USP7: variants seen among roughly 807,000 people sequenced by gnomAD.
USP7 encodes ubiquitin specific peptidase 7.
USP7 carries 9 observed loss-of-function variants against 162.9 expected under a neutral mutation model. The ratio of observed to expected loss-of-function variants is 0.06; its 90% CI spans 0.03 to 0.10. The LOEUF (loss-of-function observed/expected upper bound fraction) is 0.10, where lower values mean the gene tolerates loss of function less well. USP7 is among the 10% of genes least tolerant of loss of function. The pLI, the probability that USP7 is intolerant of heterozygous loss-of-function variation, is 1.00. For synonymous variants in USP7, 562 were observed against 475.9 expected, an observed-to-expected ratio of 1.18 and a Z score of -2.35; for missense variants, 715 against 1,373.7, an observed-to-expected ratio of 0.52 and a Z score of 7.58.
rs1897673458 is a variant in USP7, at chr16:8,921,205, G to A, written c.474C>T (p.Phe158=). The A allele has an allele frequency of 2.5e-6, 4 of 1,614,002 alleles. No homozygotes were observed. The highest frequency in any genetic ancestry group is 1.6e-4 in the Middle Eastern group (1 of 6,062). The change falls in exon 4 of 31, where the codon TTC becomes TTT. Residue 158 remains phenylalanine (F), a synonymous_variant. Coordinates refer to ENST00000344836, the MANE Select transcript of USP7 (RefSeq NM_003470.3). ...KSFSRRISHL[F]FHKENDWGFS... ...ATCCCCAATCATTTTCTTTATGGAA[G>A]AACAAATGACTAATACGACGACTGA... is the stretch of plus-strand genomic sequence containing the variant.
chr16:8,950,153 A>G (rs1239072210), intron 1 of USP7, among the ~76,000 whole-genome samples: 2 of 152,210 alleles, frequency 1.3e-5, no homozygotes, highest in East Asian at 3.8e-4. Flanking sequence ...GGCCATGGAG[A>G]CCAAAAAACC....
intron 1 of USP7, among the ~76,000 whole-genome samples, chr16:8,932,091 C>T (rs773557136): frequency 2.0e-5 from 3 of 152,252 alleles, no homozygotes; most frequent in East Asian, 1.9e-4. Context: ...AAAACCCCAA[C>T]GCTTAGATTA....
chr16:8,916,320 A>C (rs893598872), intron 8 of USP7, among the ~76,000 whole-genome samples, 182 bp downstream of exon 8: 1 of 152,214 alleles, frequency 6.6e-6, no homozygotes. Context: ...TCAAATCCCT[A>C]TTCAAGTAAT....
chr16:8,897,898 C>T (rs967830507), intron 25 of USP7, among the ~76,000 whole-genome samples: 3 of 150,386 alleles, frequency 2.0e-5, no homozygotes, highest in Admixed American at 6.6e-5. Flanking sequence ...GACCCTGTCT[C>T]GAAAAAGAAC....
At position 8,919,146 on chromosome 16, in the gene USP7, G is replaced by C; in HGVS notation, c.612-7C>G. 1 of 1,613,928 alleles carries C rather than the reference G, an allele frequency of 6.2e-7. No homozygotes were observed. The highest frequency in any genetic ancestry group is 8.5e-7 in the Non-Finnish European group (1 of 1,179,912). On this transcript the variant is annotated splice_region_variant and splice_polypyrimidine_tract_variant and intron_variant, in intron 5 of 30. Transcript: ENST00000344836. ...GTGCTTCTTTGAATCCCACCTGAAA[G>C]ATCAGTTCAAGGTTGAGGGGATCTT...
chr16:8,926,055 G>A (rs1897969377), intron 2 of USP7, among the ~76,000 whole-genome samples: 1 of 152,060 alleles, frequency 6.6e-6, no homozygotes, highest in Admixed American at 6.5e-5. Flanking sequence ...TAGGGAGGCT[G>A]AGGCAGGAGA....
chr16:8,935,189 G>A (rs1161808158), intron 1 of USP7, among the ~76,000 whole-genome samples: 1 of 150,700 alleles, frequency 6.6e-6, no homozygotes, highest in Non-Finnish European at 1.5e-5. Context: ...AAACACTTGA[G>A]CTAAGGCACT....
chr16:8,894,095 G>C lies in USP7; in HGVS notation c.3212C>G (p.Ser1071Cys). The change falls in exon 31 of 31, where the codon TCT becomes TGT. Residue 1071 changes from serine to cysteine, a missense_variant. Around this residue, in one of 11 missense-constraint regions of USP7, gnomAD observed 222 missense variants for 441.7 expected, o/e 0.50. Coordinates refer to ENST00000344836, the MANE Select transcript of USP7 (RefSeq NM_003470.3). ...KDFEPQPGNM[S>C]HPRPWLGLDH... The stretch of plus-strand genomic sequence containing the variant: ...GAGCCCTAGCCAAGGCCGAGGATGA[G>C]ACATATTACCTGGTGGGGATGAAGA... 6.2e-7 allele frequency: 1 copy of C among 1,614,198 alleles called. No homozygotes were observed. Among genetic ancestry groups the C allele is most frequent in the Non-Finnish European group, 8.5e-7 (1 of 1,180,020 alleles).
chr16:8,919,006 C>T, intron 6 of USP7, 25 bp downstream of exon 6: 1 of 1,607,996 alleles, frequency 6.2e-7, no homozygotes, highest in East Asian at 2.2e-5. Flanking sequence ...CGGAAGGCTG[C>T]AGGAGAGGAA....
chr16:8,925,449 T>C (rs1897935665), intron 2 of USP7, among the ~76,000 whole-genome samples: 1 of 152,244 alleles, frequency 6.6e-6, no homozygotes, highest in African/African-American at 2.4e-5. Flanking sequence ...CTATTTTATA[T>C]AATTCAGCTC....
intron 1 of USP7, among the ~76,000 whole-genome samples, chr16:8,931,118 G>A (rs1008652346): frequency 1.3e-5 from 2 of 151,750 alleles, no homozygotes; most frequent in Non-Finnish European, 2.9e-5. Context: ...TTGTTGTGAA[G>A]ATTACTGAAC....
intron 28 of USP7, 72 bp from the exon 29 acceptor site, chr16:8,894,927 C>G: frequency 6.2e-7 from 1 of 1,613,700 alleles, no homozygotes; most frequent in Non-Finnish European, 8.5e-7. Flanking sequence ...TGGCAGCCGC[C>G]AAAACCAACG....
chr16:8,948,532 A>G (rs1899396113), intron 1 of USP7, among the ~76,000 whole-genome samples: 1 of 152,184 alleles, frequency 6.6e-6, no homozygotes, highest in Non-Finnish European at 1.5e-5. Context: ...AACTGCAAAA[A>G]AAGTTCAAAT....
In USP7 at chr16:8,925,192, T is replaced by C. The variant is rs186821004; in HGVS notation, c.185-1779A>G. ...CCGAGGCTGTTTTACAAAGTGACAA[T>C]AGAGGATTTTAATATCCAAGATTTG... On this transcript the variant is annotated intron_variant, in intron 2 of 30. Coordinates refer to ENST00000344836, the MANE Select transcript of USP7 (RefSeq NM_003470.3). Among the ~76,000 whole-genome samples, 8 of 151,584 alleles carry C rather than the reference T, an allele frequency of 5.3e-5. No homozygotes were observed. The East Asian group carries it at 9.6e-4, about 18-fold the overall frequency.
chr16:8,934,988 C>CCA (rs1039179126), intron 1 of USP7, among the ~76,000 whole-genome samples: 16 of 152,172 alleles, frequency 1.1e-4, no homozygotes, highest in Admixed American at 3.9e-4. Context: ...CACAGGATAG[C>CCA]CACACACACA....
At chr16:8,921,988 C>T (rs1266202897) in intron 3 of USP7, among the ~76,000 whole-genome samples, 1 of 152,222 alleles carries the variant, frequency 6.6e-6, no homozygotes, top group Non-Finnish European at 1.5e-5. Context: ...GCTGTTCCCA[C>T]AGCACTTCCT....
chr16:8,957,058 G>A (rs1018156302), intron 1 of USP7, among the ~76,000 whole-genome samples: 2 of 152,156 alleles, frequency 1.3e-5, no homozygotes, highest in Non-Finnish European at 2.9e-5. Context: ...GGCTCAGGTT[G>A]GTGTATTTCC....
chr16:8,963,326 G>T lies in USP7; in HGVS notation c.-41C>A, dbSNP rs1426708188. 1.1e-6 allele frequency: 1 copy of T among 893,908 alleles called. No homozygotes were observed. Among genetic ancestry groups the T allele is most frequent in the African/African-American group, 1.8e-5 (1 of 54,924 alleles). The allele number at this position is 893,908 out of a possible 1,614,324, so 55.4% of individuals were successfully genotyped here. On this transcript the variant is annotated 5_prime_UTR_variant, in exon 1 of 31. Coordinates refer to ENST00000344836, the MANE Select transcript of USP7 (RefSeq NM_003470.3). The stretch of plus-strand genomic sequence containing the variant: ...GGCCTCGCCTGCGGCCGGGGGCCGG[G>T]GCTGCGAGCCCGGCGGGCGGGCGGC...
intron 10 of USP7, among the ~76,000 whole-genome samples, chr16:8,912,567 C>G (rs1321547195): frequency 1.3e-5 from 2 of 151,472 alleles, no homozygotes; most frequent in African/African-American, 4.9e-5. Flanking sequence ...AGAAATCTCA[C>G]AGATGACAGA....
Sources: allele counts gnomAD v4.1 joint callset (sites outside exome capture counted in the v4.1 genomes callset), GRCh38; gene constraint gnomAD v4.1.1; regional missense constraint gnomAD v4.1.1; transcripts MANE v1.5; gene names NCBI Gene and HGNC (gene_info 2026-07-23, HGNC 2026-07-21).